Variants in YPEL2 observed in about 807,000 individuals in gnomAD.
The protein encoded by YPEL2 is yippee like 2, also known as protein yippee-like 2.
YPEL2 carries 2 observed loss-of-function variants against 19.1 expected under a neutral mutation model. That is an observed-to-expected ratio of 0.10 (90% CI 0.04 to 0.33). YPEL2 has a LOEUF of 0.33. Ranked by LOEUF, YPEL2 falls within the 10% of genes least tolerant of loss-of-function variation. The pLI is 1.00. For synonymous variants in YPEL2, 52 were observed against 50.0 expected (o/e 1.04, Z -0.17); for missense variants, 66 against 140.7 (o/e 0.47, Z 2.68).
At chr17:59,347,644 A>G (rs1307307419) in intron 1 of YPEL2, among the ~76,000 whole-genome samples, 2 of 152,244 alleles carry the variant, frequency 1.3e-5, no homozygotes, top group Admixed American at 6.5e-5. Flanking sequence ...ACCTCTTAGA[A>G]GGACCTCAAT....
At chr17:59,387,159 C>T (rs939731234) in intron 2 of YPEL2, among the ~76,000 whole-genome samples, 7 of 141,700 alleles carry the variant, frequency 4.9e-5, no homozygotes, top group African/African-American at 1.9e-4. Context: ...ACTCAGGAGG[C>T]GGAGGCAGGA....
intron 4 of YPEL2, among the ~76,000 whole-genome samples, 171 bp from the exon 5 acceptor site, chr17:59,396,930 C>A (rs2048042328): frequency 6.6e-6 from 1 of 152,050 alleles, no homozygotes; most frequent in Non-Finnish European, 1.5e-5. Context: ...ACTTGGGAGG[C>A]TGAGGCAGGA....
intron 2 of YPEL2, among the ~76,000 whole-genome samples, chr17:59,369,413 C>G (rs1197438828): frequency 6.6e-6 from 1 of 152,196 alleles, no homozygotes; most frequent in Non-Finnish European, 1.5e-5. Flanking sequence ...TCACAGATTC[C>G]TTTTCTGAGG....
rs771260855 is a variant in YPEL2, at chr17:59,353,661, TCTCA to T, written c.117+140_117+143del. 2 of 746,216 alleles carry T rather than the reference TCTCA, an allele frequency of 2.7e-6. No individual in the cohort carries two copies. The highest frequency in any genetic ancestry group is 2.6e-5 in the East Asian group (1 of 38,626). 46.2% of individuals were successfully genotyped at this position (746,216 alleles called of 1,614,324 possible). ...CAGGGAGGGCTGACCCACGTGACCG[TCTCA>T]CTCAACTGAGAAAAACTCTGAGTTG... On this transcript the variant is annotated intron_variant, in intron 2 of 4. Transcript: ENST00000312655. The surrounding 1 kb of genome is among the most constrained non-coding windows in gnomAD (Gnocchi z 4.8).
At chr17:59,384,441 GT>G (rs1007779621) in intron 2 of YPEL2, among the ~76,000 whole-genome samples, 2 of 151,998 alleles carry the variant, frequency 1.3e-5, no homozygotes, top group African/African-American at 4.8e-5. Context: ...TTAAAATCGT[GT>G]TTTTTAAAAA....
rs554575883 is a variant in YPEL2 at position 59,362,285 on chromosome 17, G to A, written c.117+8759G>A. Among the ~76,000 whole-genome samples the A allele has an allele frequency of 1.1e-4, 16 of 147,772 alleles. No individual in the cohort carries two copies. The East Asian group carries it at 1.6e-3, about 15-fold the overall frequency. Reference sequence around the variant, plus strand: ...CTATGGTTTTTTTTTTTTTTTAATTGTGTTTATCATGTGTAGGCATGGACA... The same window carrying A: ...CTATGGTTTTTTTTTTTTTTTAATTATGTTTATCATGTGTAGGCATGGACA... On this transcript the variant is annotated intron_variant, in intron 2 of 4. Coordinates refer to ENST00000312655, the MANE Select transcript of YPEL2 (RefSeq NM_001005404.4).
At chr17:59,364,987 C>G (rs1484026715) in intron 2 of YPEL2, among the ~76,000 whole-genome samples, 1 of 152,084 alleles carries the variant, frequency 6.6e-6, no homozygotes, top group African/African-American at 2.4e-5. Context: ...ATATTAGATA[C>G]CTGATAGGAT....
intron 2 of YPEL2, among the ~76,000 whole-genome samples, chr17:59,369,209 A>T (rs2047885056): frequency 6.6e-6 from 1 of 152,242 alleles, no homozygotes; most frequent in Non-Finnish European, 1.5e-5. Flanking sequence ...GCAGAATTCC[A>T]GTGGCTTTGG....
intron 2 of YPEL2, chr17:59,354,207 C>A (rs576662930): frequency 2.6e-5 from 4 of 153,196 alleles, no homozygotes; most frequent in African/African-American, 9.6e-5. Context: ...GAAATGGATC[C>A]TTCAGGGAGC....
intron 1 of YPEL2, among the ~76,000 whole-genome samples, chr17:59,346,354 A>G (rs1175587939): frequency 6.6e-6 from 1 of 152,254 alleles, no homozygotes; most frequent in Non-Finnish European, 1.5e-5. Context: ...AACCTAGACC[A>G]GCAGTGTAAA....
intron 2 of YPEL2, among the ~76,000 whole-genome samples, chr17:59,368,154 A>C (rs1445777898): frequency 6.6e-6 from 1 of 151,944 alleles, no homozygotes; most frequent in Non-Finnish European, 1.5e-5. Flanking sequence ...CATGATCACA[A>C]CTCACTGCAG....
intron 1 of YPEL2, among the ~76,000 whole-genome samples, chr17:59,334,658 A>G (rs1270121209): frequency 1.3e-5 from 2 of 152,050 alleles, no homozygotes; most frequent in Admixed American, 1.3e-4. Context: ...TTGTGTCCAG[A>G]CATATTGGTA....
intron 1 of YPEL2, among the ~76,000 whole-genome samples, chr17:59,335,490 C>G (rs2047694363): frequency 1.3e-5 from 2 of 151,746 alleles, no homozygotes; most frequent in Admixed American, 1.3e-4. Flanking sequence ...TGAAACATGC[C>G]ATACTTAGGT....
At chr17:59,378,683 A>C (rs1373916267) in intron 2 of YPEL2, among the ~76,000 whole-genome samples, 1 of 151,916 alleles carries the variant, frequency 6.6e-6, no homozygotes, top group Non-Finnish European at 1.5e-5. Flanking sequence ...AGGCCCCCTC[A>C]CCACCTTTTG....
intron 2 of YPEL2, among the ~76,000 whole-genome samples, chr17:59,377,664 A>C (rs1458514369): frequency 6.6e-6 from 1 of 152,118 alleles, no homozygotes; most frequent in Non-Finnish European, 1.5e-5. Context: ...CAGACTGGAG[A>C]GGTTTATCCT....
At chr17:59,341,463 C>T (rs1013599881) in intron 1 of YPEL2, among the ~76,000 whole-genome samples, 2 of 151,640 alleles carry the variant, frequency 1.3e-5, no homozygotes, top group African/African-American at 4.8e-5. Context: ...AGTTCCAGAC[C>T]AGTCTGGACA....
intron 1 of YPEL2, among the ~76,000 whole-genome samples, chr17:59,343,311 A>G (rs971576431): frequency 6.6e-6 from 1 of 152,032 alleles, no homozygotes. Context: ...GTTAACATTT[A>G]TCAAGGATTT....
In YPEL2 at chr17:59,398,954, C is replaced by T. The variant is rs564885052; in HGVS notation, c.*1764C>T. 2 of 152,172 alleles carry T rather than the reference C, an allele frequency of 1.3e-5. No individual in the cohort carries two copies. Among genetic ancestry groups the T allele is most frequent in the South Asian group, 2.1e-4 (1 of 4,826 alleles). 9.4% of individuals were successfully genotyped at this position (152,172 alleles called of 1,614,324 possible). On this transcript the variant is annotated 3_prime_UTR_variant, in exon 5 of 5. Transcript: ENST00000312655. ...AAATGCTTTTTTGTGTGTCTCCACGCGCTGATGGTGGAATGGGAGCCCCAA... is the reference window on the plus strand; with the variant it reads ...AAATGCTTTTTTGTGTGTCTCCACGTGCTGATGGTGGAATGGGAGCCCCAA...
At chr17:59,367,947 C>G (rs140587108) in intron 2 of YPEL2, among the ~76,000 whole-genome samples, 67 of 152,294 alleles carry the variant, frequency 4.4e-4, no homozygotes, top group African/African-American at 1.6e-3. Flanking sequence ...CACCTCTGCT[C>G]CAGACCTGGC....
Sources: gnomAD v4.1 joint callset for allele counts (sites outside exome capture counted in the v4.1 genomes callset) on GRCh38, gnomAD v4.1.1 for gene constraint, Gnocchi (gnomAD v3.1) non-coding constraint, MANE v1.5 for transcripts, NCBI Gene and HGNC (gene_info 2026-07-23, HGNC 2026-07-21) for gene names.